Variants in RIMKLB observed in about 807,000 individuals in gnomAD.
RIMKLB encodes the protein ribosomal modification protein rimK like family member B, also known as beta-citrylglutamate synthase B.
In RIMKLB, 7 loss-of-function variants were observed where a neutral mutation model predicts 32.0. The observed-to-expected ratio is 0.22, with a 90% CI of 0.12 to 0.41. RIMKLB has a LOEUF of 0.41. RIMKLB is among the 10% of genes least tolerant of loss of function. The pLI is 1.00. For synonymous variants in RIMKLB, 172 were observed against 185.1 expected, an observed-to-expected ratio of 0.93 and a Z score of 0.57; for missense variants, 289 against 498.7, an observed-to-expected ratio of 0.58 and a Z score of 4.00.
chr12:8,716,431 C>CTTTTTTTTTTTTTTTTT (rs11307521), intron 2 of RIMKLB, among the ~76,000 whole-genome samples: 1 of 81,682 alleles, frequency 1.2e-5, no homozygotes, highest in African/African-American at 4.9e-5. Context: ...ATTAACATGT[C>CTTTTTTTTTTTTTTTTT]TTTTTTTTTT....
At chr12:8,732,801 G>A (rs756926889) in intron 2 of RIMKLB, among the ~76,000 whole-genome samples, 8 of 146,904 alleles carry the variant, frequency 5.4e-5, no homozygotes, top group East Asian at 1.9e-4. Context: ...ATTTTTTTAC[G>A]CAAAAGAATC....
intron 1 of RIMKLB, among the ~76,000 whole-genome samples, chr12:8,698,961 C>CCCA (rs1555146420): frequency 6.8e-6 from 1 of 146,788 alleles, no homozygotes; most frequent in Non-Finnish European, 1.5e-5. Flanking sequence ...CACCCCCCCC[C>CCCA]AAAAAAAACC....
At chr12:8,671,773 TGTGGTG>T in the RIMKLB span, among the ~76,000 whole-genome samples, 1 of 151,786 alleles carries the variant, frequency 6.6e-6, no homozygotes, top group Non-Finnish European at 1.5e-5. Context: ...ATTAGCCAGG[TGTGGTG>T]GTGGGTGCCT....
upstream of RIMKLB, among the ~76,000 whole-genome samples, chr12:8,678,316 G>A (rs994532209): frequency 4.6e-5 from 7 of 151,462 alleles, no homozygotes; most frequent in South Asian, 2.1e-4. Context: ...ACACCTGGCC[G>A]GTCTTTCTTT....
chr12:8,695,374 T>G (rs11046832), upstream of RIMKLB, among the ~76,000 whole-genome samples: 34,753 of 152,070 alleles, frequency 0.23, 4,210 homozygotes, highest in Non-Finnish European at 0.26. Flanking sequence ...AACCATGAAT[T>G]CTCAAAGATT....
At chr12:8,675,814 G>A in the RIMKLB span, among the ~76,000 whole-genome samples, 9 of 149,154 alleles carry the variant, frequency 6.0e-5, no homozygotes, top group South Asian at 2.1e-4. Context: ...TTTTTTTAAC[G>A]GAAGTGTAAT....
At chr12:8,694,387 A>ATTTTTTTTTTTTTTTTT (rs769859426), upstream of RIMKLB, among the ~76,000 whole-genome samples, 7 of 119,088 alleles carry the variant, frequency 5.9e-5, no homozygotes, top group African/African-American at 2.3e-4. Flanking sequence ...ATCCTGTTGA[A>ATTTTTTTTTTTTTTTTT]TTTTTTTTCT....
upstream of RIMKLB, among the ~76,000 whole-genome samples, chr12:8,693,396 TC>T (rs1942787650): frequency 1.4e-5 from 2 of 142,892 alleles, no homozygotes; most frequent in African/African-American, 2.6e-5. Context: ...TTTCTTTCTT[TC>T]TTTCTTTTTT....
chr12:8,756,962 G>A (rs193230280), intron 5 of RIMKLB, among the ~76,000 whole-genome samples: 47 of 152,142 alleles, frequency 3.1e-4, no homozygotes, highest in Admixed American at 5.9e-4. Context: ...AAGCCACCAG[G>A]TGTGAGCCAC....
At chr12:8,680,124 A>G (rs1308695044), upstream of RIMKLB, among the ~76,000 whole-genome samples, 1 of 151,532 alleles carries the variant, frequency 6.6e-6, no homozygotes, top group Non-Finnish European at 1.5e-5. Flanking sequence ...AAGTTACCCT[A>G]TATGTCAAAA....
At chr12:8,696,457 CATT>C (rs749655437), upstream of RIMKLB, among the ~76,000 whole-genome samples, 5 of 152,216 alleles carry the variant, frequency 3.3e-5, no homozygotes, top group South Asian at 6.2e-4. Flanking sequence ...ACTGACCTAA[CATT>C]ATAATAGCAC....
rs1481956097 is a variant in RIMKLB at position 8,775,531 on chromosome 12, A to G, written c.*1747A>G. 7 of 985,558 alleles carry G rather than the reference A, an allele frequency of 7.1e-6. No individual in the cohort carries two copies. The African/African-American group carries it at 8.7e-5, about 12-fold the overall frequency. The allele number at this position is 985,558 out of a possible 1,614,324, so 61.1% of individuals were successfully genotyped here. On this transcript the variant is annotated 3_prime_UTR_variant, in exon 6 of 6. Coordinates refer to ENST00000535829, the MANE Select transcript of RIMKLB (RefSeq NM_001297776.2). The stretch of plus-strand genomic sequence containing the variant: ...AGCCCTTTCTTGCCTCTCCAGTGCT[A>G]TTTTCCTTCAGATGGACCTTAAACA...
intron 5 of RIMKLB, among the ~76,000 whole-genome samples, chr12:8,757,993 G>T (rs965832296): frequency 1.5e-4 from 22 of 149,498 alleles, no homozygotes; most frequent in African/African-American, 5.2e-4. Flanking sequence ...ATGGGGTCTC[G>T]CTATATTGCC....
chr12:8,748,208 A>G (rs1948276916), intron 2 of RIMKLB, among the ~76,000 whole-genome samples: 1 of 152,204 alleles, frequency 6.6e-6, no homozygotes, highest in South Asian at 2.1e-4. Flanking sequence ...CAACTATAGT[A>G]GTCTTCCCTA....
intron 1 of RIMKLB, among the ~76,000 whole-genome samples, chr12:8,701,781 G>T (rs1250190272): frequency 1.3e-5 from 2 of 151,736 alleles, no homozygotes; most frequent in Non-Finnish European, 2.9e-5. Flanking sequence ...GAGGCAGGCG[G>T]ATCACTTGAG....
chr12:8,676,213 CA>C, the RIMKLB span, among the ~76,000 whole-genome samples: 1 of 151,702 alleles, frequency 6.6e-6, no homozygotes, highest in Non-Finnish European at 1.5e-5. Context: ...GCTGGGACCA[CA>C]AGCGTATACC....
chr12:8,750,342 C>T (rs974444916), intron 3 of RIMKLB, among the ~76,000 whole-genome samples: 3 of 152,128 alleles, frequency 2.0e-5, no homozygotes, highest in Non-Finnish European at 4.4e-5. Context: ...TCTCTGGTAA[C>T]CCTCCGTAAT....
intron 1 of RIMKLB, among the ~76,000 whole-genome samples, chr12:8,683,567 G>C (rs1384940911): frequency 6.6e-6 from 1 of 152,028 alleles, no homozygotes; most frequent in East Asian, 1.9e-4. Context: ...TGTGGTTTCT[G>C]TTCAGATATT....
chr12:8,694,158 G>T (rs999931606), upstream of RIMKLB, among the ~76,000 whole-genome samples: 3 of 151,962 alleles, frequency 2.0e-5, no homozygotes, highest in Non-Finnish European at 4.4e-5. Context: ...ACTTGAACCT[G>T]GGAGGTGGAG....
Sources: allele counts gnomAD v4.1 joint callset (sites outside exome capture counted in the v4.1 genomes callset), GRCh38; gene constraint gnomAD v4.1.1; transcripts MANE v1.5; gene names NCBI Gene and HGNC (gene_info 2026-07-23, HGNC 2026-07-21).